Variants in TRIO observed in about 807,000 individuals in gnomAD.
TRIO encodes triple functional domain protein.
Under a neutral mutation model 351.9 loss-of-function variants are expected in TRIO, and 58 were observed. That is an observed-to-expected ratio of 0.16 (90% CI 0.13 to 0.21). The LOEUF (loss-of-function observed/expected upper bound fraction) is 0.21. TRIO is among the 10% of genes least tolerant of loss of function. TRIO has a pLI of 1.00. For synonymous variants in TRIO, 1,758 were observed against 1,595.7 expected (o/e 1.10, Z -2.42); for missense variants, 3,201 against 4,027.8 (o/e 0.79, Z 5.56).
At chr5:14,503,135 G>A (rs904959927) in intron 54 of TRIO, among the ~76,000 whole-genome samples, 2 of 152,256 alleles carry the variant, frequency 1.3e-5, no homozygotes, top group Admixed American at 1.3e-4. Flanking sequence ...GGGTGGCCCA[G>A]CAGTGCCATC....
intron 1 of TRIO, among the ~76,000 whole-genome samples, chr5:14,250,230 G>A (rs948254019): frequency 5.3e-5 from 8 of 152,166 alleles, no homozygotes; most frequent in East Asian, 1.9e-4. Context: ...TGCCGGCCAC[G>A]TGGCCAGCAT....
At chr5:14,450,026 C>T (rs27111) in intron 34 of TRIO, among the ~76,000 whole-genome samples, 23,295 of 152,226 alleles carry the variant, frequency 0.15, 1,895 homozygotes, top group Middle Eastern at 0.28. Flanking sequence ...CAAAGTCTTG[C>T]ATTTGTCTAC....
chr5:14,291,127 C>T lies in TRIO; in HGVS notation c.952C>T (p.Leu318=). The T allele has an allele frequency of 6.2e-7, 1 of 1,614,142 alleles. No homozygotes were observed. Among genetic ancestry groups the T allele is most frequent in the Non-Finnish European group, 8.5e-7 (1 of 1,180,032 alleles). The part of the protein sequence containing the change: ...LPKVSTMLDR[L]HSTRQHLHQM... ...CAAGGTGTCCACCATGCTGGACCGG[C>T]TGCACTCGACACGGCAGCATCTGCA... The change falls in exon 5 of 57, where the codon CTG becomes TTG. Residue 318 remains leucine, a synonymous_variant. Coordinates refer to ENST00000344204, the MANE Select transcript of TRIO (RefSeq NM_007118.4).
At position 14,286,379 on chromosome 5, in the gene TRIO, T is replaced by TG. The variant is rs1191626015; in HGVS notation, c.348-486dup. Among the ~76,000 whole-genome samples, 3 of 152,114 alleles carry TG rather than the reference T, an allele frequency of 2.0e-5. No homozygotes were observed. The highest frequency in any genetic ancestry group is 1.9e-4 in the East Asian group (1 of 5,158). On this transcript the variant is annotated intron_variant, in intron 3 of 56. Coordinates refer to ENST00000344204, the MANE Select transcript of TRIO (RefSeq NM_007118.4). The surrounding 1 kb of genome is among the most constrained non-coding windows in gnomAD (Gnocchi z 4.4). ...TTCTCATCATTGCCAGCCATGCTAGTGGGGGGTCATTTTCAGCACCTGGGG... is the reference window on the plus strand; with the variant it reads ...TTCTCATCATTGCCAGCCATGCTAGTGGGGGGGTCATTTTCAGCACCTGGGG...
intron 1 of TRIO, among the ~76,000 whole-genome samples, chr5:14,181,470 T>A (rs1789763764): frequency 6.6e-6 from 1 of 152,232 alleles, no homozygotes; most frequent in Non-Finnish European, 1.5e-5. Context: ...ACAGCCATTC[T>A]GTGGCCTGCC....
intron 11 of TRIO, among the ~76,000 whole-genome samples, chr5:14,357,309 C>A (rs964857492): frequency 1.3e-5 from 2 of 152,168 alleles, no homozygotes; most frequent in African/African-American, 4.8e-5. Context: ...ACTCTTAGTC[C>A]CTGAGGAGGC....
At chr5:14,330,940 C>A in intron 10 of TRIO, 40 bp downstream of exon 10, 2 of 1,607,464 alleles carry the variant, frequency 1.2e-6, no homozygotes, top group South Asian at 1.1e-5. Context: ...CATAAATACC[C>A]GTGTGGTTGA....
rs549873526 is a variant in TRIO at position 14,157,394 on chromosome 5, T to TCC, written c.157+13516_157+13517dup. Among the ~76,000 whole-genome samples, 144 of 151,314 alleles carry TCC rather than the reference T, an allele frequency of 9.5e-4. 1 individual carries two copies. The highest frequency in any genetic ancestry group is 1.4e-3 in the Non-Finnish European group (96 of 67,566). On this transcript the variant is annotated intron_variant, in intron 1 of 56. Coordinates refer to ENST00000344204, the MANE Select transcript of TRIO (RefSeq NM_007118.4). Reference sequence around the variant, plus strand: ...TTTTCTCTCTCTCTTTCTCTCTCTCTCCCCCTCCCCGCCTCCCTCCCTGTG... The same window carrying TCC: ...TTTTCTCTCTCTCTTTCTCTCTCTCTCCCCCCCTCCCCGCCTCCCTCCCTGTG...
intron 1 of TRIO, among the ~76,000 whole-genome samples, chr5:14,237,189 A>G (rs1190539733): frequency 6.6e-6 from 1 of 152,196 alleles, no homozygotes; most frequent in Non-Finnish European, 1.5e-5. Context: ...AGATTTTGAA[A>G]TATGTGCAAA....
chr5:14,402,603 A>G (rs1400640163), intron 31 of TRIO, among the ~76,000 whole-genome samples: 1 of 144,088 alleles, frequency 6.9e-6, no homozygotes, highest in South Asian at 2.2e-4. Flanking sequence ...GAGGGTGGAG[A>G]TGGTGGTGGT....
At chr5:14,150,615 A>G (rs1038261483) in intron 1 of TRIO, among the ~76,000 whole-genome samples, 1 of 152,254 alleles carries the variant, frequency 6.6e-6, no homozygotes, top group African/African-American at 2.4e-5. Context: ...TAAAAGAAGT[A>G]TGAATGGCCA....
intron 53 of TRIO, among the ~76,000 whole-genome samples, chr5:14,499,817 C>G (rs1471010583): frequency 1.3e-5 from 2 of 151,618 alleles, no homozygotes; most frequent in African/African-American, 2.4e-5. Flanking sequence ...TTTGGGAGGC[C>G]GAGGTGGGTG....
At chr5:14,489,247 C>T (rs1287232519) in intron 48 of TRIO, 1 of 507,476 alleles carries the variant, frequency 2.0e-6, no homozygotes, top group Non-Finnish European at 3.5e-6. Context: ...TGGTCTTATC[C>T]TTTCCTACTA....
At chr5:14,218,686 A>G (rs906398789) in intron 1 of TRIO, among the ~76,000 whole-genome samples, 2 of 152,236 alleles carry the variant, frequency 1.3e-5, no homozygotes, top group South Asian at 2.1e-4. Flanking sequence ...GCACCTCACA[A>G]GAAGCCCAGT....
At chr5:14,432,696 T>C (rs1329136981) in intron 34 of TRIO, among the ~76,000 whole-genome samples, 2 of 152,232 alleles carry the variant, frequency 1.3e-5, no homozygotes, top group African/African-American at 4.8e-5. Context: ...ATGTTATGTA[T>C]GAGTGAATAA....
chr5:14,146,989 A>G (rs1476863076), intron 1 of TRIO, among the ~76,000 whole-genome samples: 1 of 152,208 alleles, frequency 6.6e-6, no homozygotes, highest in Admixed American at 6.5e-5. Flanking sequence ...AGGCAGGCCA[A>G]TTAGTGTTCA....
At chr5:14,379,050 C>T (rs1745829669) in intron 20 of TRIO, among the ~76,000 whole-genome samples, 1 of 152,124 alleles carries the variant, frequency 6.6e-6, no homozygotes, top group Non-Finnish European at 1.5e-5. Flanking sequence ...TTCTGTTTTG[C>T]CTTAATGGTT....
chr5:14,344,938 A>G (rs1742278365), intron 11 of TRIO, among the ~76,000 whole-genome samples: 1 of 152,238 alleles, frequency 6.6e-6, no homozygotes, highest in Non-Finnish European at 1.5e-5. Context: ...CACTAAGTAC[A>G]AAGTATTTAG....
intron 8 of TRIO, among the ~76,000 whole-genome samples, chr5:14,313,923 G>A (rs150407720): frequency 2.6e-4 from 40 of 152,284 alleles, no homozygotes; most frequent in Middle Eastern, 3.4e-3. Context: ...TACAGCTGGA[G>A]TGTTGCTGTT....
Sources: gnomAD v4.1 joint callset for allele counts (sites outside exome capture counted in the v4.1 genomes callset) on GRCh38, gnomAD v4.1.1 for gene constraint, Gnocchi (gnomAD v3.1) non-coding constraint, MANE v1.5 for transcripts, NCBI Gene and HGNC (gene_info 2026-07-23, HGNC 2026-07-21) for gene names.